The following KIAA1217 variants were observed in gnomAD, a reference collection of about 807,000 sequenced individuals.
KIAA1217 encodes the protein sickle tail protein homolog.
In KIAA1217, 88 loss-of-function variants were observed where a neutral mutation model predicts 163.9. The ratio of observed to expected loss-of-function variants is 0.54; its 90% CI spans 0.45 to 0.64. The LOEUF (loss-of-function observed/expected upper bound fraction) is 0.64, where lower values mean the gene tolerates loss of function less well. Among genes scored for constraint, KIAA1217 ranks in the 30% least tolerant of loss-of-function variants. KIAA1217 has a pLI of 0.00. For missense variants in KIAA1217, 2,372 were observed against 2,475.0 expected (o/e 0.96, Z 0.88); for synonymous variants, 903 against 923.1 (o/e 0.98, Z 0.39).
intron 2 of KIAA1217, among the ~76,000 whole-genome samples, chr10:24,221,971 A>AC (rs1393104302): frequency 2.6e-4 from 39 of 152,152 alleles, no homozygotes; most frequent in African/African-American, 8.9e-4. Flanking sequence ...CCAAAATGAG[A>AC]CCCCGTCTCT....
At chr10:23,950,462 A>C (rs2131353431) in intron 1 of KIAA1217, among the ~76,000 whole-genome samples, 1 of 149,268 alleles carries the variant, frequency 6.7e-6, no homozygotes, top group South Asian at 2.2e-4. Context: ...TAAACACATA[A>C]ACGACTCAAT....
At chr10:24,410,918 G>A (rs755619152) in intron 3 of KIAA1217, among the ~76,000 whole-genome samples, 2 of 152,064 alleles carry the variant, frequency 1.3e-5, no homozygotes, top group Non-Finnish European at 2.9e-5. Context: ...TCCTTCGTGC[G>A]TGTCTTCTTT....
chr10:23,768,334 C>T (rs1277943211), intron 1 of KIAA1217, among the ~76,000 whole-genome samples: 1 of 152,184 alleles, frequency 6.6e-6, no homozygotes, highest in African/African-American at 2.4e-5. Flanking sequence ...TGGGAGGAAA[C>T]ATGAGCAGGG....
chr10:24,388,714 A>G (rs1240773261), intron 3 of KIAA1217, among the ~76,000 whole-genome samples: 2 of 99,620 alleles, frequency 2.0e-5, no homozygotes, highest in African/African-American at 5.8e-5. Flanking sequence ...AATTTACAAG[A>G]AAAAATCAAA....
chr10:24,107,957 C>A (rs1387267492), intron 2 of KIAA1217, among the ~76,000 whole-genome samples: 1 of 152,172 alleles, frequency 6.6e-6, no homozygotes, highest in Non-Finnish European at 1.5e-5. Context: ...TCACATTACT[C>A]TGTGACATTG....
At chr10:24,394,153 C>G (rs1486396466) in intron 3 of KIAA1217, among the ~76,000 whole-genome samples, 1 of 152,198 alleles carries the variant, frequency 6.6e-6, no homozygotes, top group South Asian at 2.1e-4. Flanking sequence ...GATTCTCAAG[C>G]CCCATCCTCA....
intron 2 of KIAA1217, among the ~76,000 whole-genome samples, chr10:24,036,755 C>T (rs945051805): frequency 1.3e-5 from 2 of 152,126 alleles, no homozygotes; most frequent in African/African-American, 4.8e-5. Flanking sequence ...AGTGAGAACG[C>T]ACTCATTACC....
chr10:24,206,537 G>A (rs754422134), upstream of KIAA1217, among the ~76,000 whole-genome samples: 1 of 152,112 alleles, frequency 6.6e-6, no homozygotes, highest in Non-Finnish European at 1.5e-5. Flanking sequence ...TGGAATAGTC[G>A]GTGCAAGGGC....
chr10:24,393,717 A>G (rs1223273673), intron 3 of KIAA1217, among the ~76,000 whole-genome samples: 1 of 152,234 alleles, frequency 6.6e-6, no homozygotes. Flanking sequence ...ACAGATTTGG[A>G]TATAGACGTG....
rs577387689 is a variant in KIAA1217 at position 24,195,297 on chromosome 10, C to A, written c.-170-24329C>A. On this transcript the variant is annotated intron_variant, in intron 2 of 18. Transcript: ENST00000376462. ...TTCCTGTATTTCCAGCTACAAGATG[C>A]CATGTCTTCTTAATCCAGACCCTGA... Among the ~76,000 whole-genome samples, 7 of 152,274 alleles carry A rather than the reference C, an allele frequency of 4.6e-5. No individual in the cohort carries two copies. The South Asian group carries it at 1.2e-3, about 27-fold the overall frequency.
intron 2 of KIAA1217, among the ~76,000 whole-genome samples, chr10:24,320,016 AT>A (rs1450915533): frequency 6.6e-6 from 1 of 152,008 alleles, no homozygotes; most frequent in Admixed American, 6.6e-5. Context: ...AAACTCCCAA[AT>A]TTTTTTTGCA....
intron 2 of KIAA1217, among the ~76,000 whole-genome samples, chr10:24,370,730 G>A (rs915397275): frequency 1.3e-5 from 2 of 152,064 alleles, no homozygotes; most frequent in Non-Finnish European, 2.9e-5. Flanking sequence ...CTACAGGTGT[G>A]CACCACGACT....
intron 3 of KIAA1217, among the ~76,000 whole-genome samples, chr10:24,401,159 C>T (rs1444476527): frequency 6.6e-6 from 1 of 150,884 alleles, no homozygotes. Context: ...CTTCAAAATC[C>T]AAGGGAAAGA....
chr10:23,948,078 T>C (rs1844142295), intron 1 of KIAA1217, among the ~76,000 whole-genome samples: 1 of 152,220 alleles, frequency 6.6e-6, no homozygotes. Flanking sequence ...ATTTGTTTGC[T>C]TTCGTGAGGT....
chr10:24,217,342 A>C (rs1473298019), intron 1 of KIAA1217, among the ~76,000 whole-genome samples: 2 of 152,214 alleles, frequency 1.3e-5, no homozygotes, highest in Non-Finnish European at 2.9e-5. Flanking sequence ...CAATAGTTCC[A>C]TCTTCTTCTC....
At chr10:24,148,758 T>C (rs1248381409) in intron 2 of KIAA1217, among the ~76,000 whole-genome samples, 3 of 152,324 alleles carry the variant, frequency 2.0e-5, no homozygotes, top group Admixed American at 1.3e-4. Flanking sequence ...CTCTGTTTTT[T>C]TACAAATTAT....
chr10:24,298,974 A>G (rs919483723), intron 2 of KIAA1217, among the ~76,000 whole-genome samples: 2 of 152,136 alleles, frequency 1.3e-5, no homozygotes, highest in African/African-American at 4.8e-5. Context: ...CAACTTTCAG[A>G]ATTCAACTAT....
chr10:24,323,120 A>T (rs80256297), intron 2 of KIAA1217, among the ~76,000 whole-genome samples: 1 of 46,186 alleles, frequency 2.2e-5, no homozygotes, highest in Non-Finnish European at 6.9e-5. Flanking sequence ...CAGCTAATTA[A>T]AAAAAAAAAA....
chr10:24,122,616 C>T (rs1430164052), intron 2 of KIAA1217, among the ~76,000 whole-genome samples: 1 of 152,044 alleles, frequency 6.6e-6, no homozygotes, highest in Non-Finnish European at 1.5e-5. Context: ...CACATTGAAA[C>T]TAGAATGGAT....
Sources: gnomAD v4.1 joint callset for allele counts (sites outside exome capture counted in the v4.1 genomes callset) on GRCh38, gnomAD v4.1.1 for gene constraint, MANE v1.5 for transcripts, NCBI Gene and HGNC (gene_info 2026-07-23, HGNC 2026-07-21) for gene names.